The following EFCAB12 variants were observed in gnomAD, a reference collection of about 807,000 sequenced individuals.
EFCAB12 encodes EF-hand calcium-binding domain-containing protein 12.
EFCAB12 carries 43 observed loss-of-function variants against 53.6 expected under a neutral mutation model. The observed-to-expected ratio is 0.80, with a 90% CI of 0.63 to 1.03. The LOEUF is 1.03. Ranked by LOEUF, EFCAB12 falls within the 50% of genes least tolerant of loss-of-function variation. EFCAB12 has a pLI of 0.00. For synonymous variants in EFCAB12, 269 were observed against 289.2 expected (o/e 0.93, Z 0.71); for missense variants, 646 against 730.6 (o/e 0.88, Z 1.34).
intron 1 of EFCAB12, among the ~76,000 whole-genome samples, chr3:129,426,845 C>CTTTTTT (rs1171276318): frequency 9.5e-6 from 1 of 105,042 alleles, no homozygotes; most frequent in Non-Finnish European, 1.8e-5. Context: ...CCTAGCTAAC[C>CTTTTTT]TTTTTTTTTT....
intron 3 of EFCAB12, among the ~76,000 whole-genome samples, chr3:129,416,907 C>T (rs1051663529): frequency 9.2e-5 from 14 of 152,292 alleles, no homozygotes; most frequent in Non-Finnish European, 1.5e-5. Flanking sequence ...TCACTTTGGC[C>T]TTCCAAAGTG....
Position 129,421,621 on chromosome 3 carries a change from G to T in EFCAB12, c.232C>A (p.Gln78Lys). Reference protein sequence around the residue: ...QTPLNPASQPQAPPKPIPSFK... With the variant: ...QTPLNPASQPKAPPKPIPSFK... ...CTGGGGATGGGCTTTGGGGGAGCCT[G>T]AGGTTGGGATGCAGGATTAAGGGGT... The change falls in exon 2 of 9, where the codon CAG (glutamine) becomes AAG (lysine). Residue 78 changes from glutamine (Q) to lysine (K), a missense_variant. Coordinates refer to ENST00000505956, the MANE Select transcript of EFCAB12 (RefSeq NM_207307.3). 1 of 1,614,020 alleles carries T rather than the reference G, an allele frequency of 6.2e-7. No homozygotes were observed. The highest frequency in any genetic ancestry group is 8.5e-7 in the Non-Finnish European group (1 of 1,179,894).
chr3:129,409,292 A>T (rs972526062), intron 5 of EFCAB12, among the ~76,000 whole-genome samples: 1 of 152,138 alleles, frequency 6.6e-6, no homozygotes, highest in African/African-American at 2.4e-5. Context: ...TCTACAAAAA[A>T]ATTAGCTGGG....
intron 1 of EFCAB12, among the ~76,000 whole-genome samples, chr3:129,422,156 G>A (rs114865301): frequency 2.7e-3 from 418 of 152,264 alleles, no homozygotes; most frequent in African/African-American, 9.5e-3. Flanking sequence ...GGGCCAGAAC[G>A]TTCTTCGGTC....
intron 1 of EFCAB12, among the ~76,000 whole-genome samples, chr3:129,423,659 A>G (rs2072216397): frequency 6.6e-6 from 1 of 151,988 alleles, no homozygotes; most frequent in Non-Finnish European, 1.5e-5. Context: ...GGATATAACA[A>G]TCTTATTGGA....
At chr3:129,402,422 C>T in intron 8 of EFCAB12, 101 bp downstream of exon 8, 2 of 1,315,244 alleles carry the variant, frequency 1.5e-6, no homozygotes, top group Non-Finnish European at 2.1e-6. Flanking sequence ...GGGCACCGAG[C>T]CCCAGCTGTT....
Position 129,401,616 on chromosome 3 carries a change from C to T in EFCAB12, c.1696G>A (p.Ala566Thr), listed in dbSNP as rs757214797. 205 of 1,562,340 alleles carry T rather than the reference C, an allele frequency of 1.3e-4. 2 individuals carry two copies. In the Admixed American group the frequency reaches 2.7e-3, roughly 21 times the overall value. Reference protein sequence around the residue: ...NYMTHAHYDAAKVYYIN With the variant: ...NYMTHAHYDATKVYYIN ...CTCTAGTTGATGTAGTACACCTTGG[C>T]GGCATCATAATGGGCGTGGGTCATG... Residue 566 changes from alanine (A) to threonine (T), a missense_variant, in exon 9 of 9, where the codon GCC becomes ACC. Transcript: ENST00000505956.
intron 1 of EFCAB12, 31 bp from the exon 2 acceptor site, chr3:129,421,834 C>T: frequency 1.3e-6 from 2 of 1,574,984 alleles, no homozygotes. Context: ...AGATGAGTTT[C>T]TCTCTGGAAG....
At chr3:129,416,018 A>C (rs768307196) in intron 3 of EFCAB12, among the ~76,000 whole-genome samples, 1 of 152,244 alleles carries the variant, frequency 6.6e-6, no homozygotes, top group African/African-American at 2.4e-5. Context: ...CCTGGCCTCA[A>C]GTGATCCGCC....
intron 1 of EFCAB12, among the ~76,000 whole-genome samples, chr3:129,425,870 G>A (rs2072264598): frequency 6.6e-6 from 1 of 152,172 alleles, no homozygotes; most frequent in South Asian, 2.1e-4. Context: ...CCTGTGACGT[G>A]GAACTTTCTA....
intron 1 of EFCAB12, among the ~76,000 whole-genome samples, chr3:129,422,350 G>A (rs1285209264): frequency 1.3e-5 from 2 of 152,090 alleles, no homozygotes; most frequent in African/African-American, 2.4e-5. Flanking sequence ...GCTATTATTG[G>A]TATATACTCA....
At chr3:129,410,808 T>G (rs1204470072) in intron 5 of EFCAB12, among the ~76,000 whole-genome samples, 1 of 152,172 alleles carries the variant, frequency 6.6e-6, no homozygotes, top group Non-Finnish European at 1.5e-5. Flanking sequence ...TTCCTTCACT[T>G]GCCATGTATT....
chr3:129,419,108 T>A (rs1049466775), intron 2 of EFCAB12, among the ~76,000 whole-genome samples: 3 of 152,196 alleles, frequency 2.0e-5, no homozygotes, highest in African/African-American at 7.2e-5. Context: ...CCCACTAACA[T>A]GTGAACACCT....
chr3:129,414,641 A>C (rs1042165387), intron 4 of EFCAB12: 1 of 152,266 alleles, frequency 6.6e-6, no homozygotes, highest in African/African-American at 2.4e-5. Context: ...GTTGTAGAGT[A>C]AATTCACAGC....
chr3:129,416,698 G>A (rs2072120064), intron 3 of EFCAB12, among the ~76,000 whole-genome samples: 1 of 152,176 alleles, frequency 6.6e-6, no homozygotes, highest in Admixed American at 6.5e-5. Context: ...CACCCAGGCT[G>A]GAGTGTAGTG....
chr3:129,408,124 A>C (rs2071977426), intron 6 of EFCAB12, among the ~76,000 whole-genome samples: 1 of 152,150 alleles, frequency 6.6e-6, no homozygotes, highest in Non-Finnish European at 1.5e-5. Flanking sequence ...CTCAGGGCTG[A>C]GTCTGAGTGC....
At chr3:129,420,017 T>C (rs550818727) in intron 2 of EFCAB12, among the ~76,000 whole-genome samples, 1 of 152,320 alleles carries the variant, frequency 6.6e-6, no homozygotes, top group Admixed American at 6.5e-5. Context: ...GTTTTCCCAA[T>C]GCCACACAGC....
intron 8 of EFCAB12, among the ~76,000 whole-genome samples, chr3:129,402,118 C>A (rs1300369519): frequency 1.3e-5 from 2 of 152,182 alleles, no homozygotes; most frequent in Non-Finnish European, 2.9e-5. Flanking sequence ...CCTCTAAACT[C>A]AAAGTCTTAA....
At position 129,428,506 on chromosome 3, in the gene EFCAB12, G is replaced by C; in HGVS notation, c.-18C>G. 4.3e-6 allele frequency: 7 copies of C among 1,610,412 alleles called. No homozygotes were observed. Among genetic ancestry groups the C allele is most frequent in the East Asian group, 2.2e-5 (1 of 44,766 alleles). ...TCGTCCATGGTCGTGGTGCTGGGAG[G>C]GGGTGCTGAAGGGCGTGTGTGAATG... On this transcript the variant is annotated 5_prime_UTR_variant, in exon 1 of 9. Coordinates refer to ENST00000505956, the MANE Select transcript of EFCAB12 (RefSeq NM_207307.3).
Sources: gnomAD v4.1 joint callset for allele counts (sites outside exome capture counted in the v4.1 genomes callset) on GRCh38, gnomAD v4.1.1 for gene constraint, MANE v1.5 for transcripts, NCBI Gene and HGNC (gene_info 2026-07-23, HGNC 2026-07-21) for gene names.